The following SORCS2 variants were observed in gnomAD, a reference collection of about 807,000 sequenced individuals.
The protein encoded by SORCS2 is VPS10 domain-containing receptor SorCS2.
SORCS2 carries 100 observed loss-of-function variants against 141.6 expected under a neutral mutation model. That is an observed-to-expected ratio of 0.71 (90% CI 0.60 to 0.83). The LOEUF is 0.83. SORCS2 is among the 40% of genes least tolerant of loss of function. The pLI, the probability that SORCS2 is intolerant of heterozygous loss-of-function variation, is 0.00. For missense variants in SORCS2, 1,646 were observed against 1,560.2 expected (o/e 1.05, Z -0.93); for synonymous variants, 789 against 676.9 (o/e 1.17, Z -2.57).
intron 2 of SORCS2, among the ~76,000 whole-genome samples, chr4:7,405,205 T>G (rs928809090): frequency 1.3e-5 from 2 of 152,186 alleles, no homozygotes; most frequent in Non-Finnish European, 2.9e-5. Flanking sequence ...TCTGTTCCAT[T>G]GGTTTATGTG....
intron 19 of SORCS2, among the ~76,000 whole-genome samples, chr4:7,724,328 G>GGTGACAATGGTGGTGGTGGTGGTGGTGAT (rs1560113485): frequency 4.8e-5 from 5 of 103,892 alleles, no homozygotes; most frequent in Admixed American, 1.8e-4. Context: ...GGTGGTGATA[G>GGTGACAATGGTGGTGGTGGTGGTGGTGAT]GGTGATGGTG....
rs74520849 is a variant in SORCS2, at chr4:7,385,495, C to T, written c.481-10793C>T. On this transcript the variant is annotated intron_variant, in intron 1 of 26. Transcript: ENST00000507866. ...AGAGCTTCCGAGCCTGTTGTCCTAG[C>T]TCCCTGGGGGCTGGTCTTGGCCTCA... 6.6e-5 allele frequency among the ~76,000 whole-genome samples: 10 copies of T among 152,308 alleles called. No homozygotes were observed. The East Asian group carries it at 1.7e-3, about 27-fold the overall frequency.
intron 2 of SORCS2, among the ~76,000 whole-genome samples, chr4:7,523,422 G>C (rs1026734478): frequency 2.0e-5 from 3 of 152,182 alleles, no homozygotes; most frequent in African/African-American, 7.2e-5. Flanking sequence ...AGCATTTATT[G>C]AGTGCCAGCT....
At chr4:7,365,513 T>A (rs1577450840) in intron 1 of SORCS2, among the ~76,000 whole-genome samples, 1 of 152,134 alleles carries the variant, frequency 6.6e-6, no homozygotes, top group Non-Finnish European at 1.5e-5. Flanking sequence ...GGGTTGTTGC[T>A]TTCAAATGTT....
intron 2 of SORCS2, among the ~76,000 whole-genome samples, chr4:7,461,903 CCCGCAGG>C (rs1357580801): frequency 4.9e-5 from 5 of 101,556 alleles, no homozygotes; most frequent in Non-Finnish European, 1.1e-4. Context: ...GAGGTGCTGT[CCCGCAGG>C]CTTCAGTGCC....
intron 18 of SORCS2, among the ~76,000 whole-genome samples, chr4:7,719,811 G>A (rs1382013337): frequency 6.6e-6 from 1 of 152,214 alleles, no homozygotes; most frequent in Non-Finnish European, 1.5e-5. Flanking sequence ...CTCTATGGGA[G>A]CCAGTCTACC....
At chr4:7,228,482 C>T (rs554141834) in intron 1 of SORCS2, among the ~76,000 whole-genome samples, 3 of 152,326 alleles carry the variant, frequency 2.0e-5, no homozygotes, top group African/African-American at 7.2e-5. Context: ...CTCTACTGAG[C>T]CTAAAACTTG....
chr4:7,314,800 GTTTTTTTTTTT>G (rs397880294), intron 1 of SORCS2, among the ~76,000 whole-genome samples: 3 of 109,838 alleles, frequency 2.7e-5, no homozygotes, highest in Non-Finnish European at 3.8e-5. Flanking sequence ...CCACTGTTCT[GTTTTTTTTTTT>G]TTTTTTTTTT....
intron 3 of SORCS2, among the ~76,000 whole-genome samples, chr4:7,612,940 G>A (rs1019472649): frequency 6.6e-6 from 1 of 152,334 alleles, no homozygotes; most frequent in South Asian, 2.1e-4. Context: ...GCCATTCTTC[G>A]AGCCGGGCAA....
chr4:7,692,025 ACACTTCTATTTTATC>A (rs1422657504), intron 11 of SORCS2, among the ~76,000 whole-genome samples: 1 of 151,608 alleles, frequency 6.6e-6, no homozygotes, highest in African/African-American at 2.4e-5. Flanking sequence ...GCAGGAGACT[ACACTTCTATTTTATC>A]CACTTCTATT....
chr4:7,237,066 A>G (rs901165388), intron 1 of SORCS2, among the ~76,000 whole-genome samples: 5 of 152,180 alleles, frequency 3.3e-5, no homozygotes, highest in African/African-American at 1.2e-4. Context: ...GGTCACTGGC[A>G]GCTATTTTTA....
In SORCS2 at chr4:7,201,614, CT is replaced by C. The variant is rs1727488432; in HGVS notation, c.480+8489del. 1.3e-5 allele frequency among the ~76,000 whole-genome samples: 2 copies of C among 152,232 alleles called. No homozygotes were observed. The highest frequency in any genetic ancestry group is 1.3e-4 in the Admixed American group (2 of 15,286). On this transcript the variant is annotated intron_variant, in intron 1 of 26. Transcript: ENST00000507866. This position sits in a 1 kb window ranked among gnomAD's most constrained non-coding sequence, Gnocchi z 4.4. Reference sequence around the variant, plus strand: ...TCAGCTGGGACGCTGCCGAGAACCCCTGTGCCTTTTCCGGTGCAGGAAGAAA... The same window carrying C: ...TCAGCTGGGACGCTGCCGAGAACCCCGTGCCTTTTCCGGTGCAGGAAGAAA...
At chr4:7,581,128 A>G (rs1234763439) in intron 3 of SORCS2, among the ~76,000 whole-genome samples, 4 of 151,602 alleles carry the variant, frequency 2.6e-5, no homozygotes, top group African/African-American at 9.7e-5. Context: ...GTCTAATTCA[A>G]AAACCTGCAT....
chr4:7,279,492 A>C (rs1269239653), intron 1 of SORCS2, among the ~76,000 whole-genome samples: 2 of 152,132 alleles, frequency 1.3e-5, no homozygotes, highest in Non-Finnish European at 2.9e-5. Flanking sequence ...GGTCAGTTCC[A>C]TTTCACTGTT....
At chr4:7,724,763 GTGA>G (rs1242910314) in intron 19 of SORCS2, among the ~76,000 whole-genome samples, 12 of 65,640 alleles carry the variant, frequency 1.8e-4, no homozygotes, top group South Asian at 5.7e-4. Flanking sequence ...GGTGGTGTTG[GTGA>G]TGATGGTGGT....
intron 3 of SORCS2, among the ~76,000 whole-genome samples, chr4:7,609,799 T>TGTG (rs1259899135): frequency 2.6e-5 from 4 of 152,148 alleles, no homozygotes; most frequent in African/African-American, 9.7e-5. Context: ...CGCTGCGCAC[T>TGTG]CTCATGGTGA....
intron 3 of SORCS2, among the ~76,000 whole-genome samples, chr4:7,532,915 T>G (rs28611348): frequency 0.07 from 10,599 of 150,912 alleles, 416 homozygotes; most frequent in African/African-American, 0.087. Context: ...AGAGGGGAGG[T>G]GAGGGAGACC....
At chr4:7,295,957 G>A (rs1259296573) in intron 1 of SORCS2, among the ~76,000 whole-genome samples, 2 of 152,242 alleles carry the variant, frequency 1.3e-5, no homozygotes, top group African/African-American at 2.4e-5. Flanking sequence ...GGGCTTCCCT[G>A]AGGTTGACAT....
chr4:7,299,703 G>A (rs966538003), intron 1 of SORCS2, among the ~76,000 whole-genome samples: 5 of 152,196 alleles, frequency 3.3e-5, no homozygotes, highest in African/African-American at 7.2e-5. Flanking sequence ...TGGGGAAGCC[G>A]TGGTCCAGGC....
Sources: gnomAD v4.1 joint callset for allele counts (sites outside exome capture counted in the v4.1 genomes callset) on GRCh38, gnomAD v4.1.1 for gene constraint, Gnocchi (gnomAD v3.1) non-coding constraint, MANE v1.5 for transcripts, NCBI Gene and HGNC (gene_info 2026-07-23, HGNC 2026-07-21) for gene names.